The following PPP2R3A variants were observed in gnomAD, a reference collection of about 807,000 sequenced individuals.
The protein encoded by PPP2R3A is protein phosphatase 2 regulatory subunit B''alpha, also known as serine/threonine-protein phosphatase 2A regulatory subunit B'' subunit alpha.
In PPP2R3A, 80 loss-of-function variants were observed where a neutral mutation model predicts 106.9. The observed-to-expected ratio is 0.75, with a 90% CI of 0.62 to 0.90. The LOEUF is 0.90. Among genes scored for constraint, PPP2R3A ranks in the 40% least tolerant of loss-of-function variants. The probability of loss-of-function intolerance (pLI) is 0.00; values close to 1 mark genes in which losing one functional copy is unlikely to be tolerated. For missense variants in PPP2R3A, 1,386 were observed against 1,350.4 expected (o/e 1.03, Z -0.41); for synonymous variants, 483 against 468.3 (o/e 1.03, Z -0.41).
chr3:136,070,348 A>C lies in PPP2R3A; in HGVS notation c.2470-130A>C, dbSNP rs1326641387. 25 of 620,788 alleles carry C rather than the reference A, an allele frequency of 4.0e-5. No individual in the cohort carries two copies. In the East Asian group the frequency reaches 7.5e-4, roughly 19 times the overall value. The allele number at this position is 620,788 out of a possible 1,614,324, so 38.5% of individuals were successfully genotyped here. A position where few individuals can be genotyped will look rare whatever the true frequency, so the allele number is the denominator to read the frequency against. On this transcript the variant is annotated intron_variant, in intron 5 of 13. Coordinates refer to ENST00000264977, the MANE Select transcript of PPP2R3A (RefSeq NM_002718.5). ...TGAAACGAATTTAATAAAGAATTAA[A>C]TTTTAAGTGCATTATTCATTATTGT...
chr3:135,978,182 A>G (rs1937473315), intron 1 of PPP2R3A, among the ~76,000 whole-genome samples: 1 of 152,184 alleles, frequency 6.6e-6, no homozygotes, highest in East Asian at 1.9e-4. Flanking sequence ...AGCATGCCTT[A>G]TATTTAAAGT....
At chr3:135,991,648 ACAAATTTTG>A (rs1933167611) in intron 1 of PPP2R3A, among the ~76,000 whole-genome samples, 2 of 152,266 alleles carry the variant, frequency 1.3e-5, no homozygotes, top group African/African-American at 4.8e-5. Context: ...CCAAGAAAAA[ACAAATTTTG>A]CTTTTCTCAT....
At chr3:136,136,074 TTATATA>T (rs1410076640) in intron 13 of PPP2R3A, among the ~76,000 whole-genome samples, 3 of 30,360 alleles carry the variant, frequency 9.9e-5, no homozygotes, top group African/African-American at 2.2e-4. Flanking sequence ...AAAAAAAAAA[TTATATA>T]TATATATATA....
intron 4 of PPP2R3A, among the ~76,000 whole-genome samples, chr3:136,044,260 T>TGAAG (rs1369360227): frequency 3.9e-5 from 6 of 152,182 alleles, no homozygotes; most frequent in Non-Finnish European, 7.3e-5. Context: ...TAAGCACAAA[T>TGAAG]GAAGTATACA....
chr3:136,131,373 A>T (rs1367237612), intron 13 of PPP2R3A, among the ~76,000 whole-genome samples: 1 of 152,272 alleles, frequency 6.6e-6, no homozygotes, highest in African/African-American at 2.4e-5. Context: ...GACACTTCTC[A>T]AAAGAAGACA....
At position 136,128,227 on chromosome 3, in the gene PPP2R3A, TAA is replaced by T. The variant is rs1417644555; in HGVS notation, c.3330-16814_3330-16813del. 2.6e-5 allele frequency among the ~76,000 whole-genome samples: 4 copies of T among 151,160 alleles called. No individual in the cohort carries two copies. In the East Asian group the frequency reaches 7.8e-4, roughly 29 times the overall value. ...AAAAGACACAGACTGGCAAATTGGA[TAA>T]AGAGTCAAGACCCACTGGTGTGCTG... is the stretch of plus-strand genomic sequence containing the variant. On this transcript the variant is annotated intron_variant, in intron 13 of 13. Coordinates refer to ENST00000264977, the MANE Select transcript of PPP2R3A (RefSeq NM_002718.5).
intron 13 of PPP2R3A, among the ~76,000 whole-genome samples, chr3:136,111,316 G>A (rs1326253755): frequency 6.6e-6 from 1 of 151,954 alleles, no homozygotes; most frequent in Non-Finnish European, 1.5e-5. Context: ...TCCAACAATG[G>A]TTAAAGTATG....
chr3:135,994,213 G>GA (rs545183400), intron 1 of PPP2R3A, among the ~76,000 whole-genome samples: 2 of 152,178 alleles, frequency 1.3e-5, no homozygotes, highest in Non-Finnish European at 2.9e-5. Flanking sequence ...TATTTCTCTA[G>GA]AAAAAGATTC....
intron 10 of PPP2R3A, among the ~76,000 whole-genome samples, chr3:136,096,336 TAAAA>T (rs1251365540): frequency 2.0e-5 from 3 of 152,154 alleles, no homozygotes; most frequent in Non-Finnish European, 4.4e-5. Context: ...ATGAATTTCC[TAAAA>T]AAAGTAATAC....
At chr3:136,059,143 T>G (rs1426992420) in intron 5 of PPP2R3A, among the ~76,000 whole-genome samples, 3 of 151,866 alleles carry the variant, frequency 2.0e-5, no homozygotes, top group East Asian at 3.9e-4. Flanking sequence ...AAATGGGATC[T>G]AATTAAACTA....
At chr3:136,030,318 T>TGTTTG (rs1430432112) in intron 3 of PPP2R3A, among the ~76,000 whole-genome samples, 10 of 142,146 alleles carry the variant, frequency 7.0e-5, no homozygotes, top group Non-Finnish European at 1.3e-4. Flanking sequence ...TGTGTCAGTT[T>TGTTTG]GTTTTTTTTG....
chr3:136,062,219 T>C (rs1333559143), intron 5 of PPP2R3A, among the ~76,000 whole-genome samples: 3 of 152,190 alleles, frequency 2.0e-5, no homozygotes, highest in African/African-American at 7.2e-5. Context: ...CTTGCATATA[T>C]ACTGCAGCAA....
chr3:136,087,772 C>T (rs531609864), intron 8 of PPP2R3A, 111 bp from the exon 9 acceptor site: 15 of 663,176 alleles, frequency 2.3e-5, no homozygotes, highest in Middle Eastern at 4.1e-4. Flanking sequence ...TCATCATGGA[C>T]GATGGTTACG....
intron 13 of PPP2R3A, among the ~76,000 whole-genome samples, chr3:136,134,813 T>C (rs1046713174): frequency 6.6e-6 from 1 of 151,910 alleles, no homozygotes; most frequent in African/African-American, 2.4e-5. Context: ...AGTTAGAATA[T>C]AAACAAAAAT....
chr3:136,116,394 A>G (rs747501535), intron 13 of PPP2R3A, among the ~76,000 whole-genome samples: 7 of 152,208 alleles, frequency 4.6e-5, no homozygotes, highest in Non-Finnish European at 8.8e-5. Context: ...ACATAACAAT[A>G]TTAACCTTAA....
At position 136,037,005 on chromosome 3, in the gene PPP2R3A, G is replaced by A. The variant is rs533027147; in HGVS notation, c.2263-3854G>A. Among the ~76,000 whole-genome samples, 4 of 152,362 alleles carry A rather than the reference G, an allele frequency of 2.6e-5. No individual in the cohort carries two copies. The South Asian group carries it at 6.2e-4, about 24-fold the overall frequency. On this transcript the variant is annotated intron_variant, in intron 3 of 13. Coordinates refer to ENST00000264977, the MANE Select transcript of PPP2R3A (RefSeq NM_002718.5). ...TATGATAGGTTGGCATAGGAAAGAG[G>A]AGAAGAGAGGCAACCTTTAAGGAGT... is the stretch of plus-strand genomic sequence containing the variant.
intron 13 of PPP2R3A, among the ~76,000 whole-genome samples, chr3:136,107,508 A>C (rs1937537973): frequency 7.3e-6 from 1 of 137,490 alleles, no homozygotes; most frequent in Non-Finnish European, 1.5e-5. Context: ...CAGCCTCCTG[A>C]GGCATAGAGA....
chr3:136,015,084 A>C (rs1428718225), intron 2 of PPP2R3A, among the ~76,000 whole-genome samples: 5 of 152,130 alleles, frequency 3.3e-5, no homozygotes, highest in Admixed American at 2.6e-4. Flanking sequence ...TGAAATGATC[A>C]TGTGATTTTT....
chr3:136,126,943 TAACA>T (rs1230251010), intron 13 of PPP2R3A, among the ~76,000 whole-genome samples: 1 of 151,994 alleles, frequency 6.6e-6, no homozygotes, highest in Non-Finnish European at 1.5e-5. Flanking sequence ...GAAGGAAAAC[TAACA>T]AACAGAAAGG....
Sources: allele counts gnomAD v4.1 joint callset (sites outside exome capture counted in the v4.1 genomes callset), GRCh38; gene constraint gnomAD v4.1.1; transcripts MANE v1.5; gene names NCBI Gene and HGNC (gene_info 2026-07-23, HGNC 2026-07-21).